The following RTTN variants were observed in gnomAD, a reference collection of about 807,000 sequenced individuals.
The protein encoded by RTTN is rotatin.
RTTN carries 182 observed loss-of-function variants against 269.2 expected under a neutral mutation model. The observed-to-expected ratio is 0.68, with a 90% CI of 0.60 to 0.76. The LOEUF (loss-of-function observed/expected upper bound fraction) is 0.76, where lower values mean the gene tolerates loss of function less well. Ranked by LOEUF, RTTN falls within the 30% of genes least tolerant of loss-of-function variation. The pLI, the probability that RTTN is intolerant of heterozygous loss-of-function variation, is 0.00. For synonymous variants in RTTN, 1,006 were observed against 963.5 expected (o/e 1.04, Z -0.82); for missense variants, 2,545 against 2,608.6 (o/e 0.98, Z 0.53).
chr18:70,134,843 TA>T (rs2060085445), intron 22 of RTTN, among the ~76,000 whole-genome samples: 1 of 152,176 alleles, frequency 6.6e-6, no homozygotes, highest in Non-Finnish European at 1.5e-5. Context: ...AATCATATAC[TA>T]TCGTCCTAAA....
intron 28 of RTTN, among the ~76,000 whole-genome samples, chr18:70,106,725 TTA>T (rs1437930515): frequency 6.6e-6 from 1 of 152,076 alleles, no homozygotes; most frequent in African/African-American, 2.4e-5. Context: ...ATTGAAAAAT[TTA>T]TGTTTCTGAA....
chr18:70,105,038 C>T (rs550526175), intron 28 of RTTN, among the ~76,000 whole-genome samples: 1 of 152,120 alleles, frequency 6.6e-6, no homozygotes. Flanking sequence ...CAGACAGGGA[C>T]GTTTAAGTCT....
intron 29 of RTTN, among the ~76,000 whole-genome samples, 160 bp from the exon 30 acceptor site, chr18:70,092,380 G>A (rs749234656): frequency 6.6e-6 from 1 of 152,112 alleles, no homozygotes. Context: ...AAAAAAATTT[G>A]TTTCTCTTTA....
chr18:70,069,531 TCATTTGC>T (rs1340846879), intron 34 of RTTN, among the ~76,000 whole-genome samples: 2 of 152,094 alleles, frequency 1.3e-5, no homozygotes, highest in Non-Finnish European at 2.9e-5. Context: ...AATAGCAGAG[TCATTTGC>T]CATATCCAAG....
chr18:70,196,237 T>G (rs923530026), intron 7 of RTTN, among the ~76,000 whole-genome samples: 11 of 151,278 alleles, frequency 7.3e-5, no homozygotes, highest in African/African-American at 2.7e-4. Flanking sequence ...CAACACTATA[T>G]AGAATCTCTG....
At chr18:70,140,596 A>G (rs541836902) in intron 19 of RTTN, among the ~76,000 whole-genome samples, 1 of 152,240 alleles carries the variant, frequency 6.6e-6, no homozygotes, top group East Asian at 1.9e-4. Context: ...TGTGTAAAAT[A>G]TGACTTACAA....
chr18:70,092,553 C>T, intron 29 of RTTN, 123 bp downstream of exon 29: 2 of 1,057,492 alleles, frequency 1.9e-6, no homozygotes, highest in Non-Finnish European at 1.3e-6. Flanking sequence ...ATTCACGTTA[C>T]CTAAAAAGAA....
At chr18:70,112,336 C>A (rs1003711969) in intron 27 of RTTN, among the ~76,000 whole-genome samples, 9 of 151,876 alleles carry the variant, frequency 5.9e-5, no homozygotes, top group East Asian at 1.9e-4. Context: ...GGGCTAAATG[C>A]CACAATTAAA....
Position 70,140,157 on chromosome 18 carries a change from T to C in RTTN, c.2613A>G (p.Leu871=). The C allele has an allele frequency of 6.3e-7, 1 of 1,599,574 alleles. No individual in the cohort carries two copies. Among genetic ancestry groups the C allele is most frequent in the Non-Finnish European group, 8.6e-7 (1 of 1,167,714 alleles). ...DIKMHAVVKK[L]CLIDKIIEYL... is the part of the protein sequence containing the mutation. ...ACTCAATTATTTTGTCAATTAAGCA[T>C]AACTTTTTCACCACAGCATGCATTT... Residue 871 remains leucine, a synonymous_variant, in exon 20 of 49, where the codon TTA becomes TTG. Transcript: ENST00000640769.
At position 70,093,564 on chromosome 18, in the gene RTTN, T is replaced by C. The variant is rs550289060; in HGVS notation, c.3904-760A>G. Among the ~76,000 whole-genome samples the C allele has an allele frequency of 6.0e-3, 907 of 152,348 alleles. 6 individuals are homozygous for C. The highest frequency in any genetic ancestry group is 0.017 in the South Asian group (81 of 4,824). ...TTCTGCATCTATTGAGATAATCATG[T>C]GGTTTTTCTCACTGGTTCTGTTTAT... On this transcript the variant is annotated intron_variant, in intron 28 of 48. Transcript: ENST00000640769.
At chr18:70,092,042 C>T (rs2058861089) in intron 30 of RTTN, 68 bp downstream of exon 30, 9 of 978,144 alleles carry the variant, frequency 9.2e-6, no homozygotes, top group South Asian at 2.8e-5. Context: ...CATGAGCCAC[C>T]GCACCTGGCC....
Position 70,075,548 on chromosome 18 carries a change from G to T in RTTN, c.4375-7C>A. 6 of 1,550,162 alleles carry T rather than the reference G, an allele frequency of 3.9e-6. No individual in the cohort carries two copies. Among genetic ancestry groups the T allele is most frequent in the Non-Finnish European group, 5.2e-6 (6 of 1,156,924 alleles). On this transcript the variant is annotated splice_polypyrimidine_tract_variant and splice_region_variant and intron_variant, in intron 32 of 48. Transcript: ENST00000640769. ...CATCATGAACACAGGGACCCTGTAG[G>T]AAGAGAGGGAAAGAAGGAGGAGACA...
At chr18:70,196,727 G>T in intron 6 of RTTN, 79 bp from the exon 7 acceptor site, 4 of 1,335,648 alleles carry the variant, frequency 3.0e-6, no homozygotes, top group Non-Finnish European at 4.2e-6. Context: ...GCTTAAGTAA[G>T]TAAGCCTAAG....
intron 7 of RTTN, among the ~76,000 whole-genome samples, chr18:70,196,274 C>T (rs1451720482): frequency 3.5e-5 from 5 of 143,806 alleles, no homozygotes; most frequent in African/African-American, 1.2e-4. Flanking sequence ...AAGAAAAACA[C>T]CTTGTAAATA....
intron 28 of RTTN, among the ~76,000 whole-genome samples, chr18:70,100,802 G>C (rs900431753): frequency 2.6e-5 from 4 of 152,214 alleles, no homozygotes; most frequent in Admixed American, 6.5e-5. Context: ...GTTGAATTTT[G>C]TCAATGGCCT....
chr18:70,018,201 A>G (rs770023492), intron 45 of RTTN, among the ~76,000 whole-genome samples: 3 of 152,190 alleles, frequency 2.0e-5, no homozygotes. Context: ...ATTACAAGTA[A>G]GAATTTCTGA....
chr18:70,006,608 G>A, intron 46 of RTTN, 124 bp from the exon 47 acceptor site: 2 of 716,720 alleles, frequency 2.8e-6, no homozygotes, highest in Non-Finnish European at 4.8e-6. Flanking sequence ...GGTATCACTA[G>A]ACTATGGCAA....
intron 40 of RTTN, among the ~76,000 whole-genome samples, chr18:70,033,297 T>C (rs1328473533): frequency 6.6e-6 from 1 of 152,222 alleles, no homozygotes; most frequent in Non-Finnish European, 1.5e-5. Context: ...CAATTAAACC[T>C]CTTTTCTTTA....
chr18:70,167,595 A>G (rs2061023546), intron 12 of RTTN, among the ~76,000 whole-genome samples: 1 of 151,684 alleles, frequency 6.6e-6, no homozygotes, highest in African/African-American at 2.4e-5. Context: ...TGGTGGCACG[A>G]GCCTGTAATC....
Sources: allele counts gnomAD v4.1 joint callset (sites outside exome capture counted in the v4.1 genomes callset), GRCh38; gene constraint gnomAD v4.1.1; transcripts MANE v1.5; gene names NCBI Gene and HGNC (gene_info 2026-07-23, HGNC 2026-07-21).